The following ARHGAP42 variants were observed in gnomAD, a reference collection of about 807,000 sequenced individuals.
ARHGAP42 encodes Rho GTPase activating protein 42.
A neutral mutation model predicts 125.0 loss-of-function variants in ARHGAP42; 63 were observed. That is an observed-to-expected ratio of 0.50 (90% CI 0.41 to 0.62). ARHGAP42 has a LOEUF of 0.62. ARHGAP42 is among the 20% of genes least tolerant of loss of function. ARHGAP42 has a pLI of 0.00. For synonymous variants in ARHGAP42, 339 were observed against 351.0 expected (o/e 0.97, Z 0.38); for missense variants, 766 against 1,024.2 (o/e 0.75, Z 3.44).
At chr11:100,876,175 A>G (rs922061029) in intron 4 of ARHGAP42, among the ~76,000 whole-genome samples, 1 of 152,230 alleles carries the variant, frequency 6.6e-6, no homozygotes, top group African/African-American at 2.4e-5. Context: ...ATTTACAGCA[A>G]GATGAACTTG....
In ARHGAP42 at chr11:100,892,517, G is replaced by A. The variant is rs1222283941; in HGVS notation, c.385-20935G>A. Among the ~76,000 whole-genome samples, 12 of 152,112 alleles carry A rather than the reference G, an allele frequency of 7.9e-5. No homozygotes were observed. The East Asian group carries it at 2.3e-3, about 29-fold the overall frequency. ...CATGCTGTAAAATCTGGTGGGTTAG[G>A]TCTGTGTTTAGAGAGTTTGGTATAA... On this transcript the variant is annotated intron_variant, in intron 4 of 23. Transcript: ENST00000298815.
intron 4 of ARHGAP42, among the ~76,000 whole-genome samples, chr11:100,911,747 C>G (rs942856299): frequency 6.6e-6 from 1 of 152,100 alleles, no homozygotes; most frequent in Non-Finnish European, 1.5e-5. Context: ...CCTTGGGCCT[C>G]TCTTTTCCTT....
chr11:100,912,950 G>A (rs1047542889), intron 4 of ARHGAP42, among the ~76,000 whole-genome samples: 3 of 151,874 alleles, frequency 2.0e-5, no homozygotes, highest in Non-Finnish European at 2.9e-5. Flanking sequence ...TGATATTTCA[G>A]GTGTCTTTTG....
chr11:100,982,768 A>G (rs868415071), intron 22 of ARHGAP42, among the ~76,000 whole-genome samples: 1 of 152,250 alleles, frequency 6.6e-6, no homozygotes, highest in South Asian at 2.1e-4. Context: ...TGTTTCTATT[A>G]TCAAATTTTA....
chr11:100,792,155 G>A (rs1863582669), intron 2 of ARHGAP42, among the ~76,000 whole-genome samples: 1 of 152,160 alleles, frequency 6.6e-6, no homozygotes, highest in South Asian at 2.1e-4. Context: ...AAGTTCTAGT[G>A]TGCTCCTGCC....
intron 4 of ARHGAP42, among the ~76,000 whole-genome samples, chr11:100,897,778 A>G (rs921721596): frequency 6.6e-5 from 10 of 152,218 alleles, no homozygotes; most frequent in African/African-American, 2.4e-4. Context: ...CAGTCATGTC[A>G]TCTGCAAACA....
Position 100,820,004 on chromosome 11 carries a change from A to G in ARHGAP42, c.312+24838A>G, listed in dbSNP as rs75960231. ...TGATTTCTCAAATTTTCATTTGATA[A>G]TTTTTGGTGCAGGATCTCAGCCTGT... On this transcript the variant is annotated intron_variant, in intron 3 of 23. Transcript: ENST00000298815. 5.8e-4 allele frequency among the ~76,000 whole-genome samples: 88 copies of G among 152,186 alleles called. No homozygotes were observed. In the East Asian group the frequency reaches 0.015, roughly 26 times the overall value.
rs201455821 is a variant in ARHGAP42 at position 100,707,120 on chromosome 11, A to G, written c.154+19288A>G. Among the ~76,000 whole-genome samples the G allele has an allele frequency of 9.2e-5, 14 of 152,360 alleles. No individual in the cohort carries two copies. The East Asian group carries it at 1.9e-3, about 21-fold the overall frequency. On this transcript the variant is annotated intron_variant, in intron 1 of 23. Transcript: ENST00000298815. ...TGACAAATGTTTTTCAGATATATGAATGCACCAAATTTTGTTATCAATTTG... is the reference window on the plus strand; with the variant it reads ...TGACAAATGTTTTTCAGATATATGAGTGCACCAAATTTTGTTATCAATTTG...
chr11:100,908,640 A>G (rs1378583393), intron 4 of ARHGAP42, among the ~76,000 whole-genome samples: 1 of 152,152 alleles, frequency 6.6e-6, no homozygotes, highest in Non-Finnish European at 1.5e-5. Context: ...AAATCCAGTT[A>G]TCCATTGATG....
At chr11:100,892,498 G>A (rs756029432) in intron 4 of ARHGAP42, among the ~76,000 whole-genome samples, 2 of 151,970 alleles carry the variant, frequency 1.3e-5, no homozygotes, top group Non-Finnish European at 2.9e-5. Flanking sequence ...AATTCATGCT[G>A]TAAAATCTGG....
chr11:100,775,166 T>C (rs2134997579), intron 2 of ARHGAP42, among the ~76,000 whole-genome samples: 1 of 152,294 alleles, frequency 6.6e-6, no homozygotes, highest in African/African-American at 2.4e-5. Context: ...GGAAGTGGCC[T>C]ATTGAGTCCA....
chr11:100,787,277 CAA>C (rs547501810), intron 2 of ARHGAP42, among the ~76,000 whole-genome samples: 9 of 130,914 alleles, frequency 6.9e-5, no homozygotes, highest in Non-Finnish European at 6.6e-5. Context: ...GACTCCGTCT[CAA>C]AAAAAAAAAA....
At chr11:100,762,861 C>T (rs1278187941) in intron 1 of ARHGAP42, among the ~76,000 whole-genome samples, 1 of 151,540 alleles carries the variant, frequency 6.6e-6, no homozygotes, top group Non-Finnish European at 1.5e-5. Flanking sequence ...CTGCTACGTA[C>T]ATTACTCAGT....
chr11:100,906,594 A>C (rs1237969171), intron 4 of ARHGAP42, among the ~76,000 whole-genome samples: 1 of 150,724 alleles, frequency 6.6e-6, no homozygotes, highest in African/African-American at 2.4e-5. Flanking sequence ...AAAAAAATTC[A>C]TTCTGGAAAT....
intron 4 of ARHGAP42, among the ~76,000 whole-genome samples, chr11:100,872,316 C>T (rs1424537779): frequency 6.6e-6 from 1 of 152,116 alleles, no homozygotes; most frequent in Non-Finnish European, 1.5e-5. Flanking sequence ...TTGATCCTTT[C>T]CTTGCCTAGT....
intron 12 of ARHGAP42, among the ~76,000 whole-genome samples, chr11:100,954,388 C>G (rs1310081625): frequency 2.0e-5 from 3 of 152,150 alleles, no homozygotes; most frequent in Non-Finnish European, 4.4e-5. Flanking sequence ...ACAAAGTCAC[C>G]TAACATTCAG....
chr11:100,973,448 C>G, intron 18 of ARHGAP42, 114 bp downstream of exon 18: 3 of 1,038,166 alleles, frequency 2.9e-6, no homozygotes, highest in South Asian at 1.6e-5. Context: ...TTAATGGGGA[C>G]TTCAGTTTTC....
intron 17 of ARHGAP42, among the ~76,000 whole-genome samples, chr11:100,967,797 TC>T (rs1858136021): frequency 6.6e-6 from 1 of 152,174 alleles, no homozygotes. Flanking sequence ...TACTGCAACC[TC>T]CATCTCCTGG....
intron 13 of ARHGAP42, among the ~76,000 whole-genome samples, chr11:100,960,667 A>G (rs191225165): frequency 6.6e-6 from 1 of 152,252 alleles, no homozygotes; most frequent in East Asian, 1.9e-4. Flanking sequence ...TTTATATTCA[A>G]ATAATGGTGA....
Sources: allele counts gnomAD v4.1 joint callset (sites outside exome capture counted in the v4.1 genomes callset), GRCh38; gene constraint gnomAD v4.1.1; transcripts MANE v1.5; gene names NCBI Gene and HGNC (gene_info 2026-07-23, HGNC 2026-07-21).